Variants in USP48 observed in about 807,000 individuals in gnomAD.
USP48 encodes the protein ubiquitin carboxyl-terminal hydrolase 48.
In USP48, 43 loss-of-function variants were observed where a neutral mutation model predicts 150.7. The ratio of observed to expected loss-of-function variants is 0.29; its 90% confidence interval spans 0.22 to 0.37. The LOEUF is 0.37. Ranked by LOEUF, USP48 falls within the 10% of genes least tolerant of loss-of-function variation. USP48 has a pLI of 1.00. For missense variants in USP48, 813 were observed against 1,249.6 expected, an observed-to-expected ratio of 0.65 and a Z score of 5.27; for synonymous variants, 396 against 425.9, an observed-to-expected ratio of 0.93 and a Z score of 0.86.
At chr1:21,721,264 C>T in intron 13 of USP48, 98 bp from the exon 14 acceptor site, 2 of 1,478,928 alleles carry the variant, frequency 1.4e-6, no homozygotes, top group Non-Finnish European at 1.8e-6. Context: ...ATTACAAACA[C>T]TCAACATCAG....
intron 1 of USP48, among the ~76,000 whole-genome samples, chr1:21,764,364 G>A (rs937398162): frequency 5.3e-5 from 8 of 151,718 alleles, no homozygotes; most frequent in South Asian, 2.1e-4. Flanking sequence ...GCTTGAACCC[G>A]GGAGGCAGAG....
intron 15 of USP48, 24 bp from the exon 16 acceptor site, chr1:21,706,892 G>GAAAAA: frequency 7.7e-7 from 1 of 1,293,748 alleles, no homozygotes; most frequent in Non-Finnish European, 1.0e-6. Context: ...AATATATTTG[G>GAAAAA]AAAAAAAAAA....
At chr1:21,705,219 G>A (rs190782757) in intron 19 of USP48, among the ~76,000 whole-genome samples, 1 of 152,080 alleles carries the variant, frequency 6.6e-6, no homozygotes, top group Non-Finnish European at 1.5e-5. Context: ...CGTATATCAC[G>A]ATTTTTGGTA....
At chr1:21,724,416 C>A (rs758840193) in intron 11 of USP48, 1 of 503,930 alleles carries the variant, frequency 2.0e-6, no homozygotes, top group South Asian at 3.2e-5. Context: ...GATCAGGACA[C>A]CCATGTTTGT....
At chr1:21,718,581 C>T (rs1460583945) in intron 14 of USP48, among the ~76,000 whole-genome samples, 14 of 146,968 alleles carry the variant, frequency 9.5e-5, no homozygotes, top group African/African-American at 1.5e-4. Context: ...TTTTTTGAGA[C>T]GGTGTCGTGC....
chr1:21,708,742 G>A (rs375015874), intron 15 of USP48, among the ~76,000 whole-genome samples: 7 of 150,616 alleles, frequency 4.6e-5, no homozygotes, highest in Admixed American at 1.3e-4. Context: ...CAAATTGGCC[G>A]GGAGTGGTGG....
At chr1:21,738,857 G>A (rs891573471) in intron 8 of USP48, among the ~76,000 whole-genome samples, 4 of 152,150 alleles carry the variant, frequency 2.6e-5, no homozygotes, top group African/African-American at 7.2e-5. Flanking sequence ...AAGGAACAGA[G>A]TCCCTGCATT....
At chr1:21,715,162 G>C in intron 15 of USP48, 1 of 465,602 alleles carries the variant, frequency 2.1e-6, no homozygotes. Flanking sequence ...GACAATGACA[G>C]TCATGGGAAA....
rs145150313 is a variant in USP48 at position 21,753,106 on chromosome 1, T to C, written c.426A>G (p.Gln142=). 4.4e-6 allele frequency: 7 copies of C among 1,606,094 alleles called. No homozygotes were observed. In the East Asian group the frequency reaches 1.1e-4, roughly 26 times the overall value. ...AGTACTGGAGATGCTCACAAATTGT[T>C]TGAGGCTCATAATCTATTAAAACAA... ...GIQEEKDYEP[Q]TICEHLQYLF... The change falls in exon 4 of 27, where the codon CAA becomes CAG. Residue 142 remains glutamine, a synonymous_variant. Transcript: ENST00000308271.
At chr1:21,697,620 A>ACG (rs1557437523) in intron 22 of USP48, among the ~76,000 whole-genome samples, 5 of 149,412 alleles carry the variant, frequency 3.3e-5, no homozygotes, top group Admixed American at 2.7e-4. Flanking sequence ...CTGAGATTGC[A>ACG]CCACTGCACT....
rs1331497365 is a variant in USP48 at position 21,753,045 on chromosome 1, T to C, written c.487A>G (p.Ile163Val). The C allele has an allele frequency of 2.5e-6, 4 of 1,613,004 alleles. No individual in the cohort carries two copies. Among genetic ancestry groups the C allele is most frequent in the Non-Finnish European group, 3.4e-6 (4 of 1,179,774 alleles). ...GCTTTAACAAATCCTGATGGATCAA[T>C]GTATCGCCTATTACTGTTTTGCAAC... ...ALLQNSNRRY[I>V]DPSGFVKALG... Residue 163 changes from isoleucine to valine, a missense_variant, in exon 4 of 27, where the codon ATT becomes GTT. Ile to Val is a conservative substitution (Grantham distance 29, BLOSUM62 3). Transcript: ENST00000308271.
chr1:21,752,544 T>C lies in USP48; in HGVS notation c.648A>G (p.Glu216=), dbSNP rs182271048. 158 of 1,612,088 alleles carry C rather than the reference T, an allele frequency of 9.8e-5. No individual in the cohort carries two copies. The highest frequency in any genetic ancestry group is 3.6e-5 in the Non-Finnish European group (42 of 1,179,628). Residue 216 remains glutamate, a synonymous_variant, in exon 5 of 27, where the codon GAA becomes GAG. Coordinates refer to ENST00000308271, the MANE Select transcript of USP48 (RefSeq NM_032236.8). ...RNIVQQQFCG[E]YAYVTVCNQC... ...AGACTTACACAGTTACATAGGCATA[T>C]TCTCCACAGAACTGCTGTTGAACAA...
At chr1:21,774,543 C>T (rs1465372708) in intron 1 of USP48, among the ~76,000 whole-genome samples, 2 of 150,896 alleles carry the variant, frequency 1.3e-5, no homozygotes, top group African/African-American at 2.4e-5. Flanking sequence ...AAAAATTAGC[C>T]GGGTGTGGTG....
intron 15 of USP48, among the ~76,000 whole-genome samples, chr1:21,714,383 T>C (rs2097698671): frequency 6.6e-6 from 1 of 152,140 alleles, no homozygotes; most frequent in South Asian, 2.1e-4. Flanking sequence ...CAAGTGATCC[T>C]CTCACCCTCC....
In USP48 at chr1:21,721,061, C is replaced by G. The variant is rs1444081607; in HGVS notation, c.1869G>C (p.Lys623Asn). Residue 623 changes from lysine to asparagine, a missense_variant, in exon 14 of 27, where the codon AAG becomes AAC. Lys to Asn is a moderately conservative substitution (Grantham distance 94). Coordinates refer to ENST00000308271, the MANE Select transcript of USP48 (RefSeq NM_032236.8). ...CTTTATTTAAGGTGCTACCGTTCAT[C>G]TTTCCGTTGCTTTGTTCTGCATCAC... ...QDGDAEQSNG[K>N]MNGSTLNKDE... 9 of 1,614,264 alleles carry G rather than the reference C, an allele frequency of 5.6e-6. No homozygotes were observed. The South Asian group carries it at 8.8e-5, about 16-fold the overall frequency.
At chr1:21,727,078 T>G (rs891778675) in intron 11 of USP48, among the ~76,000 whole-genome samples, 1 of 152,192 alleles carries the variant, frequency 6.6e-6, no homozygotes, top group Non-Finnish European at 1.5e-5. Context: ...TTTAAGTATA[T>G]TTCAATGGAA....
chr1:21,706,450 T>C lies in USP48; in HGVS notation c.2211+17A>G, dbSNP rs1412107760. 6.2e-7 allele frequency: 1 copy of C among 1,613,426 alleles called. No individual in the cohort carries two copies. The highest frequency in any genetic ancestry group is 2.2e-5 in the East Asian group (1 of 44,904). The stretch of plus-strand genomic sequence containing the variant: ...AAAAGAAAAGATGCATTCTTTCTTT[T>C]GTGGGAATCATTATACCTCTGGCCA... On this transcript the variant is annotated intron_variant, in intron 17 of 26. Transcript: ENST00000308271.
chr1:21,694,856 A>T (rs917129181), intron 23 of USP48, among the ~76,000 whole-genome samples: 1 of 152,188 alleles, frequency 6.6e-6, no homozygotes, highest in African/African-American at 2.4e-5. Context: ...AGCGTTTCTC[A>T]TTATTGGAAA....
intron 12 of USP48, 61 bp downstream of exon 12, chr1:21,723,837 A>C (rs2097728862): frequency 1.4e-6 from 2 of 1,442,220 alleles, no homozygotes; most frequent in Non-Finnish European, 1.9e-6. Flanking sequence ...ACTCATAAAG[A>C]CCATAAGATG....
Sources: gnomAD v4.1 joint callset for allele counts (sites outside exome capture counted in the v4.1 genomes callset) on GRCh38, gnomAD v4.1.1 for gene constraint, MANE v1.5 for transcripts, NCBI Gene and HGNC (gene_info 2026-07-23, HGNC 2026-07-21) for gene names.